Variants in HEPACAM2 observed in about 807,000 individuals in gnomAD.
HEPACAM2 encodes the protein mitotic kinetics regulator.
HEPACAM2 carries 49 observed loss-of-function variants against 49.6 expected under a neutral mutation model. The observed-to-expected ratio is 0.99, with a 90% confidence interval of 0.78 to 1.25. The LOEUF (loss-of-function observed/expected upper bound fraction) is 1.25. HEPACAM2 is among the 50% of genes most tolerant of loss of function. The pLI is 0.00. For synonymous variants in HEPACAM2, 197 were observed against 202.9 expected, an observed-to-expected ratio of 0.97 and a Z score of 0.25; for missense variants, 525 against 557.2, an observed-to-expected ratio of 0.94 and a Z score of 0.58.
chr7:93,207,689 C>T (rs1794063541), intron 4 of HEPACAM2, among the ~76,000 whole-genome samples: 1 of 151,802 alleles, frequency 6.6e-6, no homozygotes, highest in Non-Finnish European at 1.5e-5. Flanking sequence ...GGGCCATTCA[C>T]TTAAATAGGC....
chr7:93,222,753 C>T (rs932034176), intron 1 of HEPACAM2, among the ~76,000 whole-genome samples: 1 of 152,078 alleles, frequency 6.6e-6, no homozygotes, highest in Non-Finnish European at 1.5e-5. Flanking sequence ...TTTCTCGACT[C>T]TCTTAATTTT....
chr7:93,210,231 A>G (rs1794145144), intron 3 of HEPACAM2, among the ~76,000 whole-genome samples: 1 of 151,938 alleles, frequency 6.6e-6, no homozygotes, highest in Non-Finnish European at 1.5e-5. Flanking sequence ...TATTTATTGG[A>G]TATCTGCCAT....
chr7:93,189,399 G>T, intron 9 of HEPACAM2, 129 bp from the exon 10 acceptor site: 1 of 533,220 alleles, frequency 1.9e-6, no homozygotes, highest in Non-Finnish European at 3.3e-6. Context: ...GCTAGCTCAA[G>T]AAAATTACAT....
chr7:93,193,666 TG>T (rs1370169688), intron 8 of HEPACAM2, among the ~76,000 whole-genome samples: 2 of 152,120 alleles, frequency 1.3e-5, no homozygotes, highest in African/African-American at 2.4e-5. Context: ...CTTGAACTCC[TG>T]GGTTCAAGTG....
chr7:93,208,940 G>A (rs1794106601), intron 3 of HEPACAM2, 64 bp from the exon 4 acceptor site: 1 of 1,394,616 alleles, frequency 7.2e-7, no homozygotes, highest in Non-Finnish European at 9.6e-7. Flanking sequence ...TTTTGAGTTT[G>A]GGAGAGCTTA....
chr7:93,212,948 G>C (rs1465561372), intron 3 of HEPACAM2, among the ~76,000 whole-genome samples: 1 of 152,058 alleles, frequency 6.6e-6, no homozygotes, highest in East Asian at 1.9e-4. Context: ...TTGGCAGAGA[G>C]CTCCCAATAG....
chr7:93,190,308 A>T (rs1244707874), intron 9 of HEPACAM2, among the ~76,000 whole-genome samples: 1 of 152,060 alleles, frequency 6.6e-6, no homozygotes, highest in Non-Finnish European at 1.5e-5. Flanking sequence ...GAAGACAGAC[A>T]GAGGAGGAAA....
At chr7:93,203,395 T>G (rs1793944592) in intron 4 of HEPACAM2, among the ~76,000 whole-genome samples, 2 of 152,122 alleles carry the variant, frequency 1.3e-5, no homozygotes, top group Non-Finnish European at 2.9e-5. Context: ...CAAGTGTTTT[T>G]GCAAAGATGA....
At chr7:93,211,028 C>T (rs1398108454) in intron 3 of HEPACAM2, among the ~76,000 whole-genome samples, 1 of 151,962 alleles carries the variant, frequency 6.6e-6, no homozygotes, top group African/African-American at 2.4e-5. Context: ...ATTGGCAAAC[C>T]AATCCCAAGT....
chr7:93,198,932 C>T (rs1476732813), intron 4 of HEPACAM2, among the ~76,000 whole-genome samples: 5 of 152,226 alleles, frequency 3.3e-5, no homozygotes, highest in African/African-American at 1.2e-4. Context: ...AGAATACTTC[C>T]ATTTCTTAAT....
rs1011173245 is a variant in HEPACAM2 at position 93,224,907 on chromosome 7, A to C, written c.79+1461T>G. 1.6e-4 allele frequency among the ~76,000 whole-genome samples: 25 copies of C among 152,322 alleles called. No individual in the cohort carries two copies. In the East Asian group the frequency reaches 3.9e-3, roughly 23 times the overall value. On this transcript the variant is annotated intron_variant, in intron 1 of 9. Coordinates refer to ENST00000394468, the MANE Select transcript of HEPACAM2 (RefSeq NM_001039372.4). ...TTTTTAAAAATTTTTTAAAAAGAAG[A>C]AGCAAACAAAACTTCAATATTCCTA...
At chr7:93,206,164 G>A (rs1235536714) in intron 4 of HEPACAM2, among the ~76,000 whole-genome samples, 1 of 152,108 alleles carries the variant, frequency 6.6e-6, no homozygotes, top group African/African-American at 2.4e-5. Flanking sequence ...TTCACTTGCA[G>A]TGAGCATGAG....
chr7:93,225,314 A>G (rs1373835119), intron 1 of HEPACAM2, among the ~76,000 whole-genome samples: 2 of 152,154 alleles, frequency 1.3e-5, no homozygotes, highest in Non-Finnish European at 2.9e-5. Flanking sequence ...CTTAAATTTG[A>G]TAACATAAAT....
At chr7:93,190,211 T>TA (rs1235196664) in intron 9 of HEPACAM2, among the ~76,000 whole-genome samples, 5 of 152,054 alleles carry the variant, frequency 3.3e-5, no homozygotes, top group Non-Finnish European at 5.9e-5. Flanking sequence ...ACTTATTTAT[T>TA]AAAAAAATTT....
intron 4 of HEPACAM2, among the ~76,000 whole-genome samples, chr7:93,203,429 A>G (rs990790245): frequency 6.6e-6 from 1 of 152,142 alleles, no homozygotes; most frequent in African/African-American, 2.4e-5. Flanking sequence ...GAACTTGAAA[A>G]TAAGACAGCA....
intron 4 of HEPACAM2, among the ~76,000 whole-genome samples, chr7:93,203,233 G>T (rs1174240655): frequency 6.6e-6 from 1 of 152,090 alleles, no homozygotes; most frequent in Admixed American, 6.6e-5. Context: ...GAGCATTCTG[G>T]CTCTCTGCTC....
chr7:93,193,736 G>C (rs982061548), intron 8 of HEPACAM2, among the ~76,000 whole-genome samples: 1 of 152,084 alleles, frequency 6.6e-6, no homozygotes, highest in African/African-American at 2.4e-5. Flanking sequence ...GTGGCACCTA[G>C]CTTATTTTGA....
At chr7:93,189,763 C>T (rs1472231614) in intron 9 of HEPACAM2, among the ~76,000 whole-genome samples, 4 of 151,980 alleles carry the variant, frequency 2.6e-5, no homozygotes, top group Admixed American at 2.6e-4. Context: ...GTTTGGCTGT[C>T]TTTCCTACTC....
rs1214109956 is a variant in HEPACAM2, at chr7:93,195,157, TA to T, written c.1275+670del. Reference sequence around the variant, plus strand: ...AAACTGAGGAACAGAGAGAGTTTAGTAAAGTGATGGGTTGCAGTCACCCAAG... The same window carrying T: ...AAACTGAGGAACAGAGAGAGTTTAGTAAGTGATGGGTTGCAGTCACCCAAG... On this transcript the variant is annotated intron_variant, in intron 8 of 9. Transcript: ENST00000394468. Among the ~76,000 whole-genome samples, 53 of 152,146 alleles carry T rather than the reference TA, an allele frequency of 3.5e-4. 1 individual carries two copies. The South Asian group carries it at 8.1e-3, about 23-fold the overall frequency.
Sources: gnomAD v4.1 joint callset for allele counts (sites outside exome capture counted in the v4.1 genomes callset) on GRCh38, gnomAD v4.1.1 for gene constraint, MANE v1.5 for transcripts, NCBI Gene and HGNC (gene_info 2026-07-23, HGNC 2026-07-21) for gene names.